Variants in TTLL5 observed in about 807,000 individuals in gnomAD.
TTLL5 encodes tubulin tyrosine ligase like 5.
TTLL5 carries 132 observed loss-of-function variants against 168.4 expected under a neutral mutation model. That is an observed-to-expected ratio of 0.78 (90% CI 0.68 to 0.91). TTLL5 has a LOEUF of 0.91. Among genes scored for constraint, TTLL5 ranks in the 40% least tolerant of loss-of-function variants. TTLL5 has a pLI of 0.00. For missense variants in TTLL5, 1,545 were observed against 1,581.5 expected, an observed-to-expected ratio of 0.98 and a Z score of 0.39; for synonymous variants, 546 against 558.6, an observed-to-expected ratio of 0.98 and a Z score of 0.32.
chr14:75,832,833 C>T (rs1255351528), intron 28 of TTLL5, among the ~76,000 whole-genome samples: 1 of 152,202 alleles, frequency 6.6e-6, no homozygotes, highest in Non-Finnish European at 1.5e-5. Flanking sequence ...TGTCTGTCAT[C>T]GCTTCTCTTT....
At chr14:75,718,913 A>G (rs1443024901) in intron 10 of TTLL5, among the ~76,000 whole-genome samples, 2 of 152,232 alleles carry the variant, frequency 1.3e-5, no homozygotes, top group African/African-American at 4.8e-5. Context: ...GTGATAGAAT[A>G]GTTGCTGAAG....
intron 28 of TTLL5, among the ~76,000 whole-genome samples, chr14:75,848,854 C>T (rs1228996264): frequency 1.3e-5 from 2 of 152,182 alleles, no homozygotes; most frequent in Non-Finnish European, 2.9e-5. Flanking sequence ...GTTTTTATAT[C>T]CAGCTTTTTG....
chr14:75,854,949 G>A (rs1897054197), intron 28 of TTLL5, among the ~76,000 whole-genome samples: 1 of 151,864 alleles, frequency 6.6e-6, no homozygotes, highest in Non-Finnish European at 1.5e-5. Context: ...TTTCCTCAAA[G>A]GCATGTCTTG....
intron 27 of TTLL5, among the ~76,000 whole-genome samples, chr14:75,809,933 A>G (rs1893893416): frequency 6.6e-6 from 1 of 152,104 alleles, no homozygotes; most frequent in South Asian, 2.1e-4. Flanking sequence ...TCCTCTATGT[A>G]TATATGTCAC....
chr14:75,666,475 T>C (rs1278498526), intron 2 of TTLL5, among the ~76,000 whole-genome samples: 1 of 152,248 alleles, frequency 6.6e-6, no homozygotes, highest in East Asian at 1.9e-4. Flanking sequence ...AAGATTTCTT[T>C]GGTCACTGAA....
intron 7 of TTLL5, among the ~76,000 whole-genome samples, chr14:75,699,841 A>G (rs1320947442): frequency 6.6e-6 from 1 of 152,300 alleles, no homozygotes; most frequent in South Asian, 2.1e-4. Flanking sequence ...AATTGAATAC[A>G]TACACATGGT....
chr14:75,805,956 G>T (rs150374690), intron 27 of TTLL5, among the ~76,000 whole-genome samples: 1 of 151,542 alleles, frequency 6.6e-6, no homozygotes, highest in Non-Finnish European at 1.5e-5. Flanking sequence ...ATGGAGAGCT[G>T]CAATTACCTT....
chr14:75,745,204 A>C lies in TTLL5; in HGVS notation c.1391A>C (p.Glu464Ala), dbSNP rs1889529178. 12 of 1,613,832 alleles carry C rather than the reference A, an allele frequency of 7.4e-6. No homozygotes were observed. The highest frequency in any genetic ancestry group is 1.0e-5 in the Non-Finnish European group (12 of 1,179,854). Reference sequence around the variant, plus strand: ...GGTTCTGTGCTTGGTCTGTCAATGGAGGAGGTAAAGATAAGTTCATTTTAG... The same window carrying C: ...GGTTCTGTGCTTGGTCTGTCAATGGCGGAGGTAAAGATAAGTTCATTTTAG... ...LGGSVLGLSM[E>A]EIKVLRRVKE... Residue 464 changes from glutamate (E) to alanine (A), a missense_variant, in exon 16 of 32, where the codon GAG becomes GCG. Physicochemically the swap from Glu to Ala is moderately radical, Grantham distance 107. Coordinates refer to ENST00000298832, the MANE Select transcript of TTLL5 (RefSeq NM_015072.5).
chr14:75,836,764 C>T (rs1895891330), intron 28 of TTLL5, among the ~76,000 whole-genome samples: 1 of 152,052 alleles, frequency 6.6e-6, no homozygotes, highest in Non-Finnish European at 1.5e-5. Context: ...ACTTTACACA[C>T]CTGTGAAGTT....
chr14:75,833,744 A>G (rs867706272), intron 28 of TTLL5, among the ~76,000 whole-genome samples: 1 of 152,200 alleles, frequency 6.6e-6, no homozygotes, highest in African/African-American at 2.4e-5. Context: ...ATACCCATAC[A>G]TTAGAAATGT....
At chr14:75,710,439 A>T (rs75067303) in intron 9 of TTLL5, 2 of 133,280 alleles carry the variant, frequency 1.5e-5, no homozygotes, top group Non-Finnish European at 3.3e-5. Flanking sequence ...CACACACACA[A>T]TGGATGTTTT....
intron 15 of TTLL5, among the ~76,000 whole-genome samples, chr14:75,742,983 G>C (rs1889366273): frequency 6.6e-6 from 1 of 152,152 alleles, no homozygotes; most frequent in African/African-American, 2.4e-5. Context: ...GATTGAGGAA[G>C]TAAAAATATT....
intron 3 of TTLL5, among the ~76,000 whole-genome samples, chr14:75,677,641 A>G (rs1265312488): frequency 6.6e-6 from 1 of 151,344 alleles, no homozygotes; most frequent in Non-Finnish European, 1.5e-5. Context: ...TTTAAGAGAC[A>G]GGGTCTTGCT....
rs112437655 is a variant in TTLL5 at position 75,924,679 on chromosome 14, A to G, written c.3823+22455A>G. ...ACAAAATGAAAAGTCTCCCATGACT[A>G]CTTCCCTCTACACAGACACGGCAAC... is the stretch of plus-strand genomic sequence containing the variant. On this transcript the variant is annotated intron_variant, in intron 31 of 31. Transcript: ENST00000298832. 4.6e-5 allele frequency among the ~76,000 whole-genome samples: 7 copies of G among 152,044 alleles called. No individual in the cohort carries two copies. The South Asian group carries it at 6.2e-4, about 14-fold the overall frequency.
chr14:75,663,001 G>A, intron 1 of TTLL5, 54 bp from the exon 2 acceptor site: 1 of 726,492 alleles, frequency 1.4e-6, no homozygotes, highest in South Asian at 1.5e-5. Context: ...CCAATAAATA[G>A]ACAACTGCAT....
At chr14:75,667,751 GTTTTTTTTTTTT>G (rs67181555) in intron 2 of TTLL5, among the ~76,000 whole-genome samples, 2 of 89,084 alleles carry the variant, frequency 2.2e-5, no homozygotes, top group African/African-American at 4.4e-5. Flanking sequence ...ATCTTTTTAT[GTTTTTTTTTTTT>G]TTTTTTTTTT....
chr14:75,828,330 G>A (rs1185969738), intron 28 of TTLL5, among the ~76,000 whole-genome samples: 3 of 151,568 alleles, frequency 2.0e-5, no homozygotes, highest in Non-Finnish European at 4.4e-5. Context: ...CCTCCTCCTC[G>A]GCTTACTTAA....
chr14:75,683,438 G>C (rs1224610683), intron 4 of TTLL5, 112 bp from the exon 5 acceptor site: 1 of 824,250 alleles, frequency 1.2e-6, no homozygotes, highest in African/African-American at 1.7e-5. Context: ...GGCCACCCCG[G>C]TGAGTACACT....
intron 27 of TTLL5, among the ~76,000 whole-genome samples, chr14:75,811,083 T>C (rs1226502576): frequency 7.7e-6 from 1 of 129,036 alleles, no homozygotes; most frequent in Non-Finnish European, 1.5e-5. Context: ...CTGGTGAAAC[T>C]AGCTGCTAAC....
Sources: gnomAD v4.1 joint callset for allele counts (sites outside exome capture counted in the v4.1 genomes callset) on GRCh38, gnomAD v4.1.1 for gene constraint, MANE v1.5 for transcripts, NCBI Gene and HGNC (gene_info 2026-07-23, HGNC 2026-07-21) for gene names.